Variants in SLA observed in about 807,000 individuals in gnomAD.
SLA encodes Src like adaptor.
Under a neutral mutation model 30.3 loss-of-function variants are expected in SLA, and 16 were observed. The ratio of observed to expected loss-of-function variants is 0.53; its 90% CI spans 0.36 to 0.80. SLA has a LOEUF of 0.80. Among genes scored for constraint, SLA ranks in the 30% least tolerant of loss-of-function variants. SLA has a pLI of 0.01. For missense variants in SLA, 310 were observed against 345.2 expected, an observed-to-expected ratio of 0.90 and a Z score of 0.81; for synonymous variants, 143 against 137.8, an observed-to-expected ratio of 1.04 and a Z score of -0.26.
intron 1 of SLA, among the ~76,000 whole-genome samples, chr8:133,092,931 C>T (rs73354628): frequency 0.036 from 5,493 of 152,264 alleles, 338 homozygotes; most frequent in African/African-American, 0.13. Context: ...GTGTGACCCA[C>T]GCCTTTAACC....
chr8:133,072,057 C>T (rs1844138882), intron 2 of SLA, among the ~76,000 whole-genome samples: 1 of 152,168 alleles, frequency 6.6e-6, no homozygotes, highest in African/African-American at 2.4e-5. Context: ...CCCCTAAGCA[C>T]AAGCCAGCAA....
At chr8:133,094,242 CTTT>C (rs765931953) in intron 1 of SLA, among the ~76,000 whole-genome samples, 42 of 126,534 alleles carry the variant, frequency 3.3e-4, no homozygotes, top group Admixed American at 5.6e-4. Context: ...CTGTCGTTTT[CTTT>C]TTTTTTTTTT....
At chr8:133,062,482 G>A (rs1053534648) in intron 2 of SLA, among the ~76,000 whole-genome samples, 16 of 152,258 alleles carry the variant, frequency 1.1e-4, no homozygotes, top group Non-Finnish European at 1.6e-4. Flanking sequence ...CCCCGGTGCC[G>A]GGCCCTGGGC....
chr8:133,053,549 G>C (rs4736619), intron 3 of SLA, among the ~76,000 whole-genome samples: 1 of 152,040 alleles, frequency 6.6e-6, no homozygotes, highest in Non-Finnish European at 1.5e-5. Flanking sequence ...TGCAAAAAAC[G>C]TGTTGAAATG....
intron 1 of SLA, among the ~76,000 whole-genome samples, chr8:133,077,794 G>T (rs549603582): frequency 6.6e-6 from 1 of 151,756 alleles, no homozygotes; most frequent in African/African-American, 2.4e-5. Flanking sequence ...CGGCAGAGTT[G>T]CAGGGCTGAC....
chr8:133,081,695 A>G (rs1274175307), intron 1 of SLA, among the ~76,000 whole-genome samples: 1 of 151,312 alleles, frequency 6.6e-6, no homozygotes, highest in Admixed American at 6.6e-5. Flanking sequence ...CTCAACCTAG[A>G]CCCACTGCCT....
intron 3 of SLA, among the ~76,000 whole-genome samples, chr8:133,056,919 C>T (rs893583625): frequency 6.6e-6 from 1 of 152,182 alleles, no homozygotes; most frequent in Admixed American, 6.5e-5. Flanking sequence ...TGGCGGCTAC[C>T]TTCCACCATC....
chr8:133,040,330 G>C, intron 7 of SLA, 200 bp from the exon 8 acceptor site: 1 of 600,792 alleles, frequency 1.7e-6, no homozygotes, highest in Non-Finnish European at 2.9e-6. Context: ...AGCGTGCCCT[G>C]GTATACTCTG....
chr8:133,093,141 T>TTTC (rs5895175), intron 1 of SLA, among the ~76,000 whole-genome samples: 58,445 of 115,520 alleles, frequency 0.51, 12,464 homozygotes, highest in Middle Eastern at 0.6. Flanking sequence ...TTTCTTTTCT[T>TTTC]TTTTTTTTTT....
At chr8:133,081,266 C>T (rs1845700454) in intron 1 of SLA, among the ~76,000 whole-genome samples, 1 of 152,214 alleles carries the variant, frequency 6.6e-6, no homozygotes, top group Non-Finnish European at 1.5e-5. Flanking sequence ...CAGAGGCTAT[C>T]CCCAAAGATG....
intron 1 of SLA, chr8:133,095,329 C>T: frequency 7.3e-7 from 1 of 1,368,876 alleles, no homozygotes; most frequent in Non-Finnish European, 1.0e-6. Context: ...TGATGACCAA[C>T]TGGAGCTGGA....
At chr8:133,094,334 G>C (rs568708877) in intron 1 of SLA, among the ~76,000 whole-genome samples, 19 of 147,402 alleles carry the variant, frequency 1.3e-4, no homozygotes, top group African/African-American at 4.7e-4. Context: ...TCCGCCTCCC[G>C]GGTTCACGCC....
chr8:133,057,055 G>A (rs932913274), intron 3 of SLA, among the ~76,000 whole-genome samples: 1 of 152,142 alleles, frequency 6.6e-6, no homozygotes, highest in African/African-American at 2.4e-5. Flanking sequence ...GGTTTGAGAG[G>A]TCCCTACCTC....
Position 133,037,521 on chromosome 8 carries a change from A to C in SLA, c.*1003T>G, listed in dbSNP as rs1318742775. ...GAAAATGAGCTCCTGAGTGTCCCTC[A>C]CCTGTCTCTAATTCCATCCTAAGCC... is the stretch of plus-strand genomic sequence containing the variant. On this transcript the variant is annotated 3_prime_UTR_variant, in exon 9 of 9. Transcript: ENST00000338087. 6.6e-6 allele frequency: 1 copy of C among 151,974 alleles called. No individual in the cohort carries two copies. Among genetic ancestry groups the C allele is most frequent in the East Asian group, 1.9e-4 (1 of 5,186 alleles). The allele number at this position is 151,974 out of a possible 1,614,324, so 9.4% of individuals were successfully genotyped here.
chr8:133,043,673 T>C (rs1289661315), intron 7 of SLA, among the ~76,000 whole-genome samples: 2 of 152,134 alleles, frequency 1.3e-5, no homozygotes, highest in Non-Finnish European at 2.9e-5. Context: ...GACCTGCCTC[T>C]CCTGAGCAGC....
chr8:133,052,109 A>G (rs946830621), intron 3 of SLA, among the ~76,000 whole-genome samples: 2 of 152,010 alleles, frequency 1.3e-5, no homozygotes, highest in Admixed American at 6.6e-5. Flanking sequence ...GCCACTTTCT[A>G]GGATCCACAC....
intron 1 of SLA, among the ~76,000 whole-genome samples, chr8:133,086,975 ATAAG>A (rs1248508384): frequency 1.3e-5 from 2 of 152,180 alleles, no homozygotes; most frequent in Non-Finnish European, 2.9e-5. Flanking sequence ...TTGTAAATAA[ATAAG>A]TAATGATACA....
At chr8:133,057,046 G>A (rs1041015251) in intron 3 of SLA, among the ~76,000 whole-genome samples, 47 of 152,288 alleles carry the variant, frequency 3.1e-4, no homozygotes, top group Admixed American at 1.3e-3. Context: ...TGCAAGCTGG[G>A]TTTGAGAGGT....
At chr8:133,063,494 G>T (rs1276751444) in intron 2 of SLA, 1 of 149,236 alleles carries the variant, frequency 6.7e-6, no homozygotes, top group Non-Finnish European at 1.5e-5. Context: ...GGGATTCCTG[G>T]AATCCACTAC....
Sources: allele counts gnomAD v4.1 joint callset (sites outside exome capture counted in the v4.1 genomes callset), GRCh38; gene constraint gnomAD v4.1.1; transcripts MANE v1.5; gene names NCBI Gene and HGNC (gene_info 2026-07-23, HGNC 2026-07-21).